The following MRPL48 variants were observed in gnomAD, a reference collection of about 807,000 sequenced individuals.
MRPL48 encodes the protein large ribosomal subunit protein mL48.
Under a neutral mutation model 32.9 loss-of-function variants are expected in MRPL48, and 16 were observed. That is an observed-to-expected ratio of 0.49 (90% confidence interval 0.33 to 0.74). The LOEUF is 0.74. MRPL48 is among the 30% of genes least tolerant of loss of function. MRPL48 has a pLI of 0.02. For synonymous variants in MRPL48, 94 were observed against 89.2 expected, an observed-to-expected ratio of 1.05 and a Z score of -0.31; for missense variants, 206 against 245.3, an observed-to-expected ratio of 0.84 and a Z score of 1.07.
intron 3 of MRPL48, among the ~76,000 whole-genome samples, chr11:73,810,244 A>G (rs935083203): frequency 2.0e-5 from 3 of 152,184 alleles, no homozygotes; most frequent in Non-Finnish European, 4.4e-5. Context: ...ATTTTCGGGC[A>G]GGTGCAGTGG....
intron 3 of MRPL48, among the ~76,000 whole-genome samples, chr11:73,811,406 A>G (rs932578572): frequency 6.6e-6 from 1 of 152,090 alleles, no homozygotes; most frequent in Non-Finnish European, 1.5e-5. Context: ...TCAATAAAAT[A>G]TTGGCAGGAA....
intron 4 of MRPL48, among the ~76,000 whole-genome samples, chr11:73,838,898 A>C (rs1457074037): frequency 6.6e-6 from 1 of 152,212 alleles, no homozygotes; most frequent in Non-Finnish European, 1.5e-5. Context: ...TTTGGGCTTC[A>C]TATTCTTCCC....
intron 5 of MRPL48, among the ~76,000 whole-genome samples, chr11:73,853,386 A>C (rs943255393): frequency 6.6e-6 from 1 of 152,144 alleles, no homozygotes; most frequent in Non-Finnish European, 1.5e-5. Context: ...TGGACCCACA[A>C]AAATTAAACA....
chr11:73,822,855 A>G, intron 3 of MRPL48, among the ~76,000 whole-genome samples: 1 of 152,038 alleles, frequency 6.6e-6, no homozygotes, highest in East Asian at 1.9e-4. Context: ...TCAAGCTATC[A>G]CCTGAGCTCT....
At chr11:73,848,094 C>T (rs1948327506) in intron 5 of MRPL48, among the ~76,000 whole-genome samples, 1 of 152,024 alleles carries the variant, frequency 6.6e-6, no homozygotes, top group African/African-American at 2.4e-5. Flanking sequence ...CCTATGTTTT[C>T]TCCTAGAAGT....
At chr11:73,864,271 C>T in intron 7 of MRPL48, 25 bp from the exon 8 acceptor site, 1 of 1,607,936 alleles carries the variant, frequency 6.2e-7, no homozygotes, top group Non-Finnish European at 8.5e-7. Flanking sequence ...GTAATTACCG[C>T]TTATTTTCTT....
intron 5 of MRPL48, chr11:73,850,974 C>T: frequency 2.7e-6 from 1 of 365,968 alleles, no homozygotes; most frequent in South Asian, 2.3e-5. Context: ...CCGCGCCCGG[C>T]CTGGGCTATA....
intron 3 of MRPL48, among the ~76,000 whole-genome samples, chr11:73,816,999 T>C (rs765566453): frequency 1.4e-4 from 21 of 150,796 alleles, no homozygotes; most frequent in Non-Finnish European, 2.4e-4. Context: ...CTAATTGTTT[T>C]TGTATTTTTT....
chr11:73,834,307 T>C (rs1444683171), intron 4 of MRPL48, among the ~76,000 whole-genome samples: 8 of 152,172 alleles, frequency 5.3e-5, no homozygotes, highest in African/African-American at 1.9e-4. Context: ...AATAGAAATT[T>C]CTTTCTTTCT....
chr11:73,863,133 C>T (rs1418638778), intron 6 of MRPL48, 39 bp from the exon 7 acceptor site: 1 of 1,533,598 alleles, frequency 6.5e-7, no homozygotes, highest in East Asian at 2.4e-5. Flanking sequence ...TCGTTTTCAG[C>T]TCCTCCCACC....
chr11:73,851,388 A>T (rs958929689), intron 5 of MRPL48, among the ~76,000 whole-genome samples: 2 of 152,220 alleles, frequency 1.3e-5, no homozygotes, highest in Non-Finnish European at 2.9e-5. Context: ...TAAGTCCTTC[A>T]GCCAAATTTG....
intron 5 of MRPL48, among the ~76,000 whole-genome samples, chr11:73,855,359 C>T (rs1948467219): frequency 6.6e-6 from 1 of 151,918 alleles, no homozygotes; most frequent in Non-Finnish European, 1.5e-5. Context: ...CCTTGCCTCT[C>T]TTCACACTTC....
chr11:73,790,746 C>T (rs1035108258), intron 1 of MRPL48, among the ~76,000 whole-genome samples: 5 of 151,676 alleles, frequency 3.3e-5, no homozygotes, highest in African/African-American at 9.7e-5. Flanking sequence ...AGGCTAGTCT[C>T]GAACTCCTGG....
chr11:73,831,001 A>G (rs1289025917), intron 4 of MRPL48, among the ~76,000 whole-genome samples: 2 of 151,890 alleles, frequency 1.3e-5, no homozygotes, highest in African/African-American at 4.8e-5. Context: ...TACCATGCCC[A>G]GGTAATTTTT....
rs543564011 is a variant in MRPL48 at position 73,857,883 on chromosome 11, G to A, written c.372-2024G>A. Among the ~76,000 whole-genome samples the A allele has an allele frequency of 2.1e-4, 32 of 151,788 alleles. 1 individual carries two copies. Among genetic ancestry groups the A allele is most frequent in the Admixed American group, 1.6e-3 (24 of 15,226 alleles). On this transcript the variant is annotated intron_variant, in intron 5 of 7. Transcript: ENST00000310614. ...GCTGGGATTACAGGCTTGAGCCACC[G>A]CATGCATAGACTTCTTTGCCCATCA... is the stretch of plus-strand genomic sequence containing the variant.
intron 5 of MRPL48, among the ~76,000 whole-genome samples, chr11:73,853,933 G>A (rs1194700470): frequency 6.6e-6 from 1 of 151,848 alleles, no homozygotes; most frequent in Non-Finnish European, 1.5e-5. Context: ...CTCGTGATCC[G>A]CCCACCTCGG....
intron 5 of MRPL48, among the ~76,000 whole-genome samples, chr11:73,849,093 A>G (rs76088091): frequency 0.057 from 8,597 of 151,764 alleles, 268 homozygotes; most frequent in Middle Eastern, 0.1. Flanking sequence ...AAGTGCTAGG[A>G]TTACAGGCAT....
chr11:73,854,868 A>G (rs935091043), intron 5 of MRPL48, among the ~76,000 whole-genome samples: 9 of 152,198 alleles, frequency 5.9e-5, no homozygotes, highest in Non-Finnish European at 1.0e-4. Context: ...TAGTAGATCA[A>G]CGTATCAAAG....
intron 1 of MRPL48, among the ~76,000 whole-genome samples, chr11:73,788,303 C>T (rs1947081796): frequency 6.6e-6 from 1 of 152,090 alleles, no homozygotes; most frequent in African/African-American, 2.4e-5. Flanking sequence ...AGGATACGGT[C>T]CCGATTAACT....
Sources: gnomAD v4.1 joint callset for allele counts (sites outside exome capture counted in the v4.1 genomes callset) on GRCh38, gnomAD v4.1.1 for gene constraint, MANE v1.5 for transcripts, NCBI Gene and HGNC (gene_info 2026-07-23, HGNC 2026-07-21) for gene names.